Variants in AK6 observed in about 807,000 individuals in gnomAD.
AK6 encodes adenylate kinase 6.
Under a neutral mutation model 23.7 loss-of-function variants are expected in AK6, and 24 were observed. The ratio of observed to expected loss-of-function variants is 1.01; its 90% CI spans 0.73 to 1.43. AK6 has a LOEUF of 1.43. Ranked by LOEUF, AK6 falls within the 40% of genes most tolerant of loss-of-function variation. AK6 has a pLI of 0.00. For synonymous variants in AK6, 73 were observed against 69.8 expected, an observed-to-expected ratio of 1.05 and a Z score of -0.23; for missense variants, 191 against 199.1, an observed-to-expected ratio of 0.96 and a Z score of 0.24.
chr5:69,369,526 C>A (rs1351971353), upstream of AK6: 7 of 1,611,316 alleles, frequency 4.3e-6, no homozygotes, highest in Non-Finnish European at 4.2e-6. Context: ...GCCTCGCTCA[C>A]GTGCCCTTTG....
upstream of AK6, chr5:69,369,647 CA>C (rs760146958): frequency 7.0e-6 from 11 of 1,561,956 alleles, no homozygotes; most frequent in Non-Finnish European, 9.5e-6. Context: ...AGCCGCGGCC[CA>C]CTGGTTACCT....
intron 2 of AK6, 42 bp downstream of exon 2, chr5:69,366,460 TA>T (rs749083636): frequency 9.0e-4 from 1,165 of 1,292,906 alleles, no homozygotes; most frequent in South Asian, 1.2e-3. Flanking sequence ...TACCAGACCT[TA>T]AAAAAAAAAC....
intron 2 of AK6, among the ~76,000 whole-genome samples, chr5:69,357,449 A>G (rs1446470384): frequency 6.6e-6 from 1 of 152,240 alleles, no homozygotes; most frequent in Non-Finnish European, 1.5e-5. Context: ...TTTGTTGAGT[A>G]GCAGAAGAAA....
At chr5:69,367,381 G>T (rs1217218495) in intron 1 of AK6, among the ~76,000 whole-genome samples, 1 of 151,350 alleles carries the variant, frequency 6.6e-6, no homozygotes, top group Admixed American at 6.6e-5. Flanking sequence ...GTGGTGGCGC[G>T]TGCCTGTAAT....
chr5:69,353,517 C>G (rs1052232895), intron 4 of AK6, among the ~76,000 whole-genome samples: 5 of 151,948 alleles, frequency 3.3e-5, no homozygotes, highest in Non-Finnish European at 7.4e-5. Flanking sequence ...AGGCTGGTCT[C>G]GAACTCCTGA....
intron 4 of AK6, among the ~76,000 whole-genome samples, chr5:69,354,587 A>C (rs1762032962): frequency 6.6e-6 from 1 of 152,130 alleles, no homozygotes. Flanking sequence ...ACTTCCCTAA[A>C]AGTTTCTCTT....
intron 2 of AK6, 41 bp from the exon 3 acceptor site, chr5:69,355,994 G>GT: frequency 6.6e-7 from 1 of 1,504,272 alleles, no homozygotes; most frequent in Non-Finnish European, 9.0e-7. Context: ...TATTTTCTAA[G>GT]TAACTTTAAG....
chr5:69,369,242 C>G (rs1213391177), intron 1 of AK6: 2 of 252,660 alleles, frequency 7.9e-6, no homozygotes, highest in Non-Finnish European at 1.5e-5. Context: ...CCCCGCCCCC[C>G]CCCGGAGCCT....
chr5:69,369,657 C>T, upstream of AK6: 1 of 1,559,750 alleles, frequency 6.4e-7, no homozygotes, highest in Non-Finnish European at 8.7e-7. Context: ...CACTGGTTAC[C>T]TGGCTTTCGA....
At chr5:69,369,343 TG>T in intron 1 of AK6, 119 bp downstream of exon 1, 1 of 1,075,332 alleles carries the variant, frequency 9.3e-7, no homozygotes, top group Non-Finnish European at 1.2e-6. Context: ...AACCGCCTCG[TG>T]GCCCTCGGCC....
At chr5:69,359,446 T>C (rs1360290566) in intron 2 of AK6, among the ~76,000 whole-genome samples, 2 of 152,098 alleles carry the variant, frequency 1.3e-5, no homozygotes, top group African/African-American at 4.8e-5. Context: ...GGTTTCACCA[T>C]GTTGGCCAGG....
chr5:69,360,956 A>C (rs1272432729), intron 2 of AK6, among the ~76,000 whole-genome samples: 1 of 152,190 alleles, frequency 6.6e-6, no homozygotes, highest in East Asian at 1.9e-4. Context: ...ATCCAATGTC[A>C]ATATATTACT....
Position 69,369,227 on chromosome 5 carries a change from C to CA in AK6, c.28+235_28+236insT. ...AGCTGGATCTGCCGACCTCTCTCCA[C>CA]CCCCCCCCGCCCCCCCCCGGAGCCT... On this transcript the variant is annotated intron_variant, in intron 1 of 4. Coordinates refer to ENST00000380822, the MANE Select transcript of AK6 (RefSeq NM_016283.5). The CA allele has an allele frequency of 3.3e-4, 16 of 47,986 alleles. No homozygotes were observed. In the South Asian group the frequency reaches 9.0e-3, roughly 27 times the overall value. 3.0% of individuals were successfully genotyped at this position (47,986 alleles called of 1,614,324 possible). A position where few individuals can be genotyped will look rare whatever the true frequency, so the allele number is the denominator to read the frequency against.
At position 69,355,893 on chromosome 5, in the gene AK6, ACTCT is replaced by A; in HGVS notation, c.178_180+1del. On this transcript the variant is annotated splice_donor_variant and coding_sequence_variant, in exon 3 of 5. Transcript: ENST00000380822. LOFTEE classifies it high-confidence loss of function. ...CATACTTTATGAAAAAGTCATACTTACTCTGTCTTCATCTAAAATGGGACAGTCA... is the reference window on the plus strand; with the variant it reads ...CATACTTTATGAAAAAGTCATACTTAGTCTTCATCTAAAATGGGACAGTCA... 2 of 1,609,304 alleles carry A rather than the reference ACTCT, an allele frequency of 1.2e-6. No individual in the cohort carries two copies. Among genetic ancestry groups the A allele is most frequent in the Non-Finnish European group, 1.7e-6 (2 of 1,178,506 alleles).
At chr5:69,369,386 C>G (rs1762743161) in intron 1 of AK6, 77 bp downstream of exon 1, 6 of 1,540,446 alleles carry the variant, frequency 3.9e-6, no homozygotes, top group Non-Finnish European at 5.3e-6. Context: ...GGGGCCCCCA[C>G]CTGGGCGCCC....
At chr5:69,366,710 T>A in intron 1 of AK6, 115 bp from the exon 2 acceptor site, 1 of 751,330 alleles carries the variant, frequency 1.3e-6, no homozygotes, top group Non-Finnish European at 2.2e-6. Context: ...CCTCTGCCCT[T>A]AAAAGTTCTT....
chr5:69,367,980 C>T (rs759486771), intron 1 of AK6: 1 of 152,222 alleles, frequency 6.6e-6, no homozygotes, highest in African/African-American at 2.4e-5. Flanking sequence ...GCCTGGCCAA[C>T]ATAATGAGAC....
chr5:69,353,173 T>A (rs2150728643), intron 4 of AK6, among the ~76,000 whole-genome samples: 1 of 152,340 alleles, frequency 6.6e-6, no homozygotes. Flanking sequence ...ATTTCATTCA[T>A]ATGAAATATC....
Position 69,355,630 on chromosome 5 carries a change from A to C in AK6, c.326+19T>G. On this transcript the variant is annotated intron_variant, in intron 4 of 4. Coordinates refer to ENST00000380822, the MANE Select transcript of AK6 (RefSeq NM_016283.5). ...AGTTAACATTATGCTTTAAGAATCT[A>C]ATGTTTTTCCTTTCTTACCTTGTTT... is the stretch of plus-strand genomic sequence containing the variant. The C allele has an allele frequency of 6.3e-7, 1 of 1,575,036 alleles. No individual in the cohort carries two copies. Among genetic ancestry groups the C allele is most frequent in the Non-Finnish European group, 8.6e-7 (1 of 1,163,576 alleles).
Sources: allele counts gnomAD v4.1 joint callset (sites outside exome capture counted in the v4.1 genomes callset), GRCh38; gene constraint gnomAD v4.1.1; transcripts MANE v1.5; gene names NCBI Gene and HGNC (gene_info 2026-07-23, HGNC 2026-07-21).